The following ADAMTSL3 variants were observed in gnomAD, a reference collection of about 807,000 sequenced individuals.
The protein encoded by ADAMTSL3 is ADAMTS-like protein 3.
Under a neutral mutation model 201.7 loss-of-function variants are expected in ADAMTSL3, and 128 were observed. The ratio of observed to expected loss-of-function variants is 0.63; its 90% CI spans 0.55 to 0.73. The LOEUF (loss-of-function observed/expected upper bound fraction) is 0.73, where lower values mean the gene tolerates loss of function less well. Among genes scored for constraint, ADAMTSL3 ranks in the 30% least tolerant of loss-of-function variants. ADAMTSL3 has a pLI of 0.00. For synonymous variants in ADAMTSL3, 738 were observed against 748.4 expected (o/e 0.99, Z 0.23); for missense variants, 1,990 against 2,119.6 (o/e 0.94, Z 1.20).
chr15:83,785,079 T>C (rs2063239272), intron 4 of ADAMTSL3, among the ~76,000 whole-genome samples: 1 of 152,218 alleles, frequency 6.6e-6, no homozygotes, highest in Non-Finnish European at 1.5e-5. Flanking sequence ...GATAGCTTTG[T>C]TGGCAGAGAT....
chr15:83,853,183 C>A (rs2064656651), intron 7 of ADAMTSL3, among the ~76,000 whole-genome samples: 2 of 152,136 alleles, frequency 1.3e-5, no homozygotes, highest in African/African-American at 4.8e-5. Context: ...AAAGTTCATT[C>A]CAACATATTC....
chr15:84,012,051 A>T (rs999238140), intron 23 of ADAMTSL3, among the ~76,000 whole-genome samples: 1 of 152,200 alleles, frequency 6.6e-6, no homozygotes, highest in African/African-American at 2.4e-5. Context: ...ATATATGCAC[A>T]TGTGATTAGC....
chr15:83,920,511 T>C (rs1596407436), intron 16 of ADAMTSL3, among the ~76,000 whole-genome samples: 1 of 152,304 alleles, frequency 6.6e-6, no homozygotes, highest in East Asian at 1.9e-4. Flanking sequence ...CCATAAAATA[T>C]TATGCTTCAC....
At chr15:83,835,102 C>T (rs1465408529) in intron 6 of ADAMTSL3, among the ~76,000 whole-genome samples, 7 of 151,882 alleles carry the variant, frequency 4.6e-5, no homozygotes, top group East Asian at 1.9e-4. Context: ...GGCATGGTGG[C>T]GGGTAGCTGT....
At chr15:83,737,387 G>A (rs2062384381) in intron 3 of ADAMTSL3, among the ~76,000 whole-genome samples, 3 of 152,272 alleles carry the variant, frequency 2.0e-5, no homozygotes, top group South Asian at 4.2e-4. Flanking sequence ...GGAGGTGATT[G>A]GATCGGGGGC....
At chr15:83,969,684 A>G (rs1483226121) in intron 19 of ADAMTSL3, among the ~76,000 whole-genome samples, 2 of 152,240 alleles carry the variant, frequency 1.3e-5, no homozygotes, top group African/African-American at 2.4e-5. Flanking sequence ...TGTCAAACTC[A>G]TAGAAGCATA....
chr15:83,952,815 A>G (rs1235548677), intron 19 of ADAMTSL3, among the ~76,000 whole-genome samples: 1 of 151,980 alleles, frequency 6.6e-6, no homozygotes, highest in African/African-American at 2.4e-5. Context: ...CAAAAAAAAA[A>G]AAAAAAGAAA....
chr15:83,699,038 C>A (rs535022139), intron 2 of ADAMTSL3, among the ~76,000 whole-genome samples: 1 of 151,990 alleles, frequency 6.6e-6, no homozygotes, highest in African/African-American at 2.4e-5. Flanking sequence ...CAGGCAAAGC[C>A]CTCTTGCCTG....
chr15:84,016,538 G>A, intron 25 of ADAMTSL3, 39 bp downstream of exon 25: 1 of 1,507,014 alleles, frequency 6.6e-7, no homozygotes, highest in Non-Finnish European at 9.2e-7. Flanking sequence ...CTATGTGTGA[G>A]GCATGTGTAA....
intron 3 of ADAMTSL3, among the ~76,000 whole-genome samples, chr15:83,706,869 A>G (rs149984547): frequency 1.1e-3 from 159 of 150,086 alleles, no homozygotes; most frequent in African/African-American, 3.7e-3. Flanking sequence ...AGGTTTTGCT[A>G]TGTTGACCAG....
At chr15:83,877,895 T>C (rs935086214) in intron 9 of ADAMTSL3, among the ~76,000 whole-genome samples, 2 of 152,130 alleles carry the variant, frequency 1.3e-5, no homozygotes, top group Admixed American at 6.6e-5. Flanking sequence ...TGTGGAAATA[T>C]TGATTTTTGT....
rs78005307 is a variant in ADAMTSL3, at chr15:83,816,408, T to C, written c.364-3403T>C. Reference sequence around the variant, plus strand: ...TGTACAAATCTGGCCACCCTGAGGCTGACATCCTAAGGTGTCTTCCGCTAA... The same window carrying C: ...TGTACAAATCTGGCCACCCTGAGGCCGACATCCTAAGGTGTCTTCCGCTAA... On this transcript the variant is annotated intron_variant, in intron 5 of 29. Coordinates refer to ENST00000286744, the MANE Select transcript of ADAMTSL3 (RefSeq NM_207517.3). 2.6e-5 allele frequency among the ~76,000 whole-genome samples: 4 copies of C among 152,356 alleles called. No homozygotes were observed. The East Asian group carries it at 7.7e-4, about 29-fold the overall frequency.
chr15:84,036,260 T>A (rs2068503310), intron 28 of ADAMTSL3, among the ~76,000 whole-genome samples: 1 of 152,216 alleles, frequency 6.6e-6, no homozygotes, highest in South Asian at 2.1e-4. Flanking sequence ...TCTTCAGTAG[T>A]TTCTGACTGC....
chr15:83,949,517 T>C (rs535306784), intron 19 of ADAMTSL3, among the ~76,000 whole-genome samples: 14 of 152,298 alleles, frequency 9.2e-5, no homozygotes, highest in Admixed American at 5.9e-4. Flanking sequence ...TTCTTTTTGG[T>C]ATATACCTAG....
chr15:83,686,141 C>G (rs958068768), intron 2 of ADAMTSL3, among the ~76,000 whole-genome samples: 5 of 152,200 alleles, frequency 3.3e-5, no homozygotes, highest in African/African-American at 1.2e-4. Context: ...ACCATTTTTC[C>G]TTCTGAACAC....
At chr15:83,971,377 T>C (rs1567272863) in intron 20 of ADAMTSL3, among the ~76,000 whole-genome samples, 1 of 151,612 alleles carries the variant, frequency 6.6e-6, no homozygotes, top group Non-Finnish European at 1.5e-5. Flanking sequence ...CTAACATGGT[T>C]AAACCCCGTC....
chr15:83,696,567 A>C (rs933687490), intron 2 of ADAMTSL3, among the ~76,000 whole-genome samples: 3 of 152,240 alleles, frequency 2.0e-5, no homozygotes, highest in Non-Finnish European at 4.4e-5. Flanking sequence ...TCTTCCATCT[A>C]GCATCTTACC....
chr15:83,670,821 C>G (rs2061320945), intron 2 of ADAMTSL3, among the ~76,000 whole-genome samples: 1 of 152,196 alleles, frequency 6.6e-6, no homozygotes, highest in African/African-American at 2.4e-5. Flanking sequence ...TAACTCTGCT[C>G]TCCTGGGATG....
chr15:83,968,737 T>C (rs1440874160), intron 19 of ADAMTSL3, among the ~76,000 whole-genome samples: 1 of 152,184 alleles, frequency 6.6e-6, no homozygotes, highest in African/African-American at 2.4e-5. Flanking sequence ...CTGTTCACAA[T>C]AGCAAAGACT....
Sources: allele counts gnomAD v4.1 joint callset (sites outside exome capture counted in the v4.1 genomes callset), GRCh38; gene constraint gnomAD v4.1.1; transcripts MANE v1.5; gene names NCBI Gene and HGNC (gene_info 2026-07-23, HGNC 2026-07-21).